Variants in ZNF148 observed in about 807,000 individuals in gnomAD.
ZNF148 encodes zinc finger protein 148.
Under a neutral mutation model 67.7 loss-of-function variants are expected in ZNF148, and 7 were observed. The ratio of observed to expected loss-of-function variants is 0.10; its 90% CI spans 0.06 to 0.19. The LOEUF is 0.19. Among genes scored for constraint, ZNF148 ranks in the 10% least tolerant of loss-of-function variants. The pLI is 1.00. For synonymous variants in ZNF148, 333 were observed against 330.7 expected (o/e 1.01, Z -0.08); for missense variants, 583 against 947.1 (o/e 0.62, Z 5.05).
chr3:125,258,624 A>T (rs6438890), intron 7 of ZNF148, among the ~76,000 whole-genome samples: 117,183 of 151,886 alleles, frequency 0.77, 45,747 homozygotes, highest in African/African-American at 0.85. Context: ...GTAAGAATAA[A>T]TACAAATTAA....
chr3:125,270,889 AG>A (rs1233966202), intron 7 of ZNF148, among the ~76,000 whole-genome samples: 1 of 152,210 alleles, frequency 6.6e-6, no homozygotes, highest in Admixed American at 6.5e-5. Context: ...AAACAAAAAA[AG>A]TATTTAAGTT....
At chr3:125,361,831 T>TC (rs2107783007) in intron 1 of ZNF148, among the ~76,000 whole-genome samples, 1 of 54,168 alleles carries the variant, frequency 1.8e-5, no homozygotes, top group Non-Finnish European at 3.5e-5. Flanking sequence ...AGACCCTGTC[T>TC]CAAAAAAAAA....
At position 125,228,548 on chromosome 3, in the gene ZNF148, TACA is replaced by T. The variant is rs1293046898; in HGVS notation, c.*3790_*3792del. 39 of 152,760 alleles carry T rather than the reference TACA, an allele frequency of 2.6e-4. No homozygotes were observed. The highest frequency in any genetic ancestry group is 8.4e-4 in the African/African-American group (35 of 41,578). 9.5% of individuals were successfully genotyped at this position (152,760 alleles called of 1,614,324 possible). A position where few individuals can be genotyped will look rare whatever the true frequency, so the allele number is the denominator to read the frequency against. ...GCTATGTATTATTGCTTACATACAG[TACA>T]ACATCATATGCCTTCTAACATAAAG... On this transcript the variant is annotated 3_prime_UTR_variant, in exon 9 of 9. Transcript: ENST00000360647.
At chr3:125,252,131 T>C (rs1303230997) in intron 7 of ZNF148, among the ~76,000 whole-genome samples, 1 of 152,204 alleles carries the variant, frequency 6.6e-6, no homozygotes, top group African/African-American at 2.4e-5. Context: ...ACTTTTCTAC[T>C]AGCTTGTCCT....
At chr3:125,305,028 T>C (rs186456791) in intron 4 of ZNF148, among the ~76,000 whole-genome samples, 35 of 152,316 alleles carry the variant, frequency 2.3e-4, no homozygotes, top group East Asian at 1.5e-3. Flanking sequence ...AAACTGAGTA[T>C]TAAAATAATC....
Position 125,354,711 on chromosome 3 carries a change from T to G in ZNF148, c.-234+20391A>C, listed in dbSNP as rs942468941. On this transcript the variant is annotated intron_variant, in intron 1 of 8. Coordinates refer to ENST00000360647, the MANE Select transcript of ZNF148 (RefSeq NM_021964.3). ...TTGAGTTTGCATTCAAAATTTTGCC[T>G]AAGCTATCATAACTAACTTTAATTG... Among the ~76,000 whole-genome samples, 42 of 152,214 alleles carry G rather than the reference T, an allele frequency of 2.8e-4. 1 individual carries two copies. Among genetic ancestry groups the G allele is most frequent in the Admixed American group, 2.0e-4 (3 of 15,290 alleles).
intron 6 of ZNF148, among the ~76,000 whole-genome samples, chr3:125,278,756 T>C (rs1387778528): frequency 6.6e-6 from 1 of 152,206 alleles, no homozygotes; most frequent in Non-Finnish European, 1.5e-5. Flanking sequence ...TTAGCTATCA[T>C]TTATTTATAT....
At chr3:125,261,611 T>A (rs1368637487) in intron 7 of ZNF148, among the ~76,000 whole-genome samples, 1 of 152,138 alleles carries the variant, frequency 6.6e-6, no homozygotes, top group Non-Finnish European at 1.5e-5. Flanking sequence ...GACAAAGGAC[T>A]GTTGAAACCT....
chr3:125,338,929 C>G (rs1210533817), intron 1 of ZNF148: 2 of 152,122 alleles, frequency 1.3e-5, no homozygotes, highest in African/African-American at 4.8e-5. Context: ...TAAAAGAAAT[C>G]ATACAGTCAC....
At chr3:125,328,846 T>C (rs937146235) in intron 2 of ZNF148, among the ~76,000 whole-genome samples, 5 of 152,024 alleles carry the variant, frequency 3.3e-5, no homozygotes, top group Admixed American at 6.6e-5. Context: ...AGTTTGACAC[T>C]AGCTAGTGTT....
chr3:125,357,182 G>A, intron 1 of ZNF148: 1 of 152,336 alleles, frequency 6.6e-6, no homozygotes, highest in Non-Finnish European at 1.5e-5. Context: ...AGCGGGGCAG[G>A]CCCAGAAGGC....
At chr3:125,244,446 T>C (rs1487681766) in intron 7 of ZNF148, among the ~76,000 whole-genome samples, 1 of 152,152 alleles carries the variant, frequency 6.6e-6, no homozygotes, top group Admixed American at 6.5e-5. Context: ...AAAATGGTTC[T>C]TGTAAATCAC....
intron 1 of ZNF148, among the ~76,000 whole-genome samples, chr3:125,338,362 C>T (rs1005889165): frequency 6.6e-6 from 1 of 151,958 alleles, no homozygotes; most frequent in Non-Finnish European, 1.5e-5. Context: ...ATTTTTATTA[C>T]ATAAAGTTAC....
chr3:125,243,403 T>A (rs1161009656), intron 7 of ZNF148, among the ~76,000 whole-genome samples: 1 of 152,236 alleles, frequency 6.6e-6, no homozygotes, highest in Non-Finnish European at 1.5e-5. Context: ...TATAATCATA[T>A]TGCTTGCAGA....
At chr3:125,338,067 G>C (rs575007962) in intron 1 of ZNF148, among the ~76,000 whole-genome samples, 2 of 152,066 alleles carry the variant, frequency 1.3e-5, no homozygotes, top group Non-Finnish European at 2.9e-5. Flanking sequence ...TTGCACCACT[G>C]CACTCCAGCC....
intron 7 of ZNF148, among the ~76,000 whole-genome samples, chr3:125,258,445 A>AAAGG (rs869187911): frequency 6.9e-6 from 1 of 144,892 alleles, no homozygotes; most frequent in Non-Finnish European, 1.5e-5. Flanking sequence ...AAAAAAAAAA[A>AAAGG]GGGGGATAGC....
At chr3:125,321,995 AC>A (rs1940794752) in intron 3 of ZNF148, among the ~76,000 whole-genome samples, 1 of 151,120 alleles carries the variant, frequency 6.6e-6, no homozygotes, top group East Asian at 1.9e-4. Context: ...CAGAACAACA[AC>A]AAAAAAGTTA....
intron 2 of ZNF148, among the ~76,000 whole-genome samples, chr3:125,323,718 T>A (rs1940888932): frequency 1.3e-5 from 2 of 152,162 alleles, no homozygotes. Flanking sequence ...CCCAGCACTT[T>A]GGGAGGCCGA....
intron 1 of ZNF148, among the ~76,000 whole-genome samples, chr3:125,370,904 T>C (rs768062751): frequency 1.4e-4 from 21 of 152,262 alleles, no homozygotes; most frequent in Admixed American, 7.2e-4. Flanking sequence ...CAAAATTCTT[T>C]ACCTTTTCTT....
Sources: gnomAD v4.1 joint callset for allele counts (sites outside exome capture counted in the v4.1 genomes callset) on GRCh38, gnomAD v4.1.1 for gene constraint, MANE v1.5 for transcripts, NCBI Gene and HGNC (gene_info 2026-07-23, HGNC 2026-07-21) for gene names.